Variants in CELF4 observed in about 807,000 individuals in gnomAD.
CELF4 encodes CUGBP Elav-like family member 4, also known as CUG-BP- and ETR-3-like factor 4.
A neutral mutation model predicts 59.9 loss-of-function variants in CELF4; 18 were observed. That is an observed-to-expected ratio of 0.30 (90% CI 0.21 to 0.45). The LOEUF (loss-of-function observed/expected upper bound fraction) is 0.45, where lower values mean the gene tolerates loss of function less well. CELF4 is among the 20% of genes least tolerant of loss of function. CELF4 has a pLI of 1.00. For missense variants in CELF4, 456 were observed against 689.0 expected (o/e 0.66, Z 3.79); for synonymous variants, 261 against 267.1 (o/e 0.98, Z 0.22).
intron 2 of CELF4, among the ~76,000 whole-genome samples, chr18:37,370,622 T>C (rs1051404655): frequency 6.6e-6 from 1 of 152,194 alleles, no homozygotes; most frequent in African/African-American, 2.4e-5. Flanking sequence ...ATGCTTTTAA[T>C]GTTTGCCTAA....
chr18:37,298,860 T>C (rs533209311), intron 3 of CELF4, among the ~76,000 whole-genome samples: 2 of 152,312 alleles, frequency 1.3e-5, no homozygotes, highest in African/African-American at 4.8e-5. Flanking sequence ...CCAGGAACAC[T>C]GCTAACATGC....
At chr18:37,302,844 G>A (rs2096151482) in intron 3 of CELF4, among the ~76,000 whole-genome samples, 1 of 152,164 alleles carries the variant, frequency 6.6e-6, no homozygotes, top group African/African-American at 2.4e-5. Context: ...CCCTCCAACA[G>A]CATTGCTTCC....
chr18:37,523,230 G>C (rs2099959607), intron 1 of CELF4, among the ~76,000 whole-genome samples: 1 of 152,180 alleles, frequency 6.6e-6, no homozygotes, highest in Non-Finnish European at 1.5e-5. Flanking sequence ...GAAGTCTTCA[G>C]AGGCTCGTTT....
chr18:37,375,245 G>T (rs1323701723), intron 2 of CELF4, among the ~76,000 whole-genome samples: 1 of 152,180 alleles, frequency 6.6e-6, no homozygotes, highest in African/African-American at 2.4e-5. Flanking sequence ...GCAAACAAAT[G>T]AATTGCAAAG....
intron 1 of CELF4, among the ~76,000 whole-genome samples, chr18:37,486,901 T>A (rs1399672719): frequency 6.6e-6 from 1 of 152,236 alleles, no homozygotes; most frequent in Non-Finnish European, 1.5e-5. Flanking sequence ...CTTTCAAGAA[T>A]CTGATCAAGT....
chr18:37,565,226 GC>G, intron 1 of CELF4, 129 bp downstream of exon 1: 2 of 967,174 alleles, frequency 2.1e-6, no homozygotes, highest in Non-Finnish European at 3.0e-6. Context: ...CTGCCCGAGC[GC>G]CTCCCTCCAC....
At chr18:37,454,680 G>A (rs1047366506) in intron 2 of CELF4, among the ~76,000 whole-genome samples, 10 of 152,106 alleles carry the variant, frequency 6.6e-5, no homozygotes, top group African/African-American at 2.4e-4. Context: ...AAAAGAGTCC[G>A]CCTGCAAAGC....
At chr18:37,302,577 A>G (rs9945262) in intron 3 of CELF4, among the ~76,000 whole-genome samples, 88,600 of 152,066 alleles carry the variant, frequency 0.58, 27,368 homozygotes, top group African/African-American at 0.8. Flanking sequence ...ATGACACTGG[A>G]AAACACAGCT....
intron 2 of CELF4, among the ~76,000 whole-genome samples, chr18:37,452,839 T>C (rs1043501554): frequency 4.6e-5 from 7 of 152,130 alleles, no homozygotes; most frequent in African/African-American, 1.7e-4. Context: ...CATAGCCACA[T>C]CTCTGGCTGA....
intron 2 of CELF4, among the ~76,000 whole-genome samples, chr18:37,401,487 T>G (rs1341071595): frequency 6.6e-6 from 1 of 152,168 alleles, no homozygotes; most frequent in East Asian, 1.9e-4. Flanking sequence ...CAATACTAAC[T>G]GAAGGTCACT....
At chr18:37,390,802 C>CGGAGGGGTGGGGGGG (rs139992661) in intron 2 of CELF4, among the ~76,000 whole-genome samples, 1 of 57,842 alleles carries the variant, frequency 1.7e-5, no homozygotes, top group Non-Finnish European at 3.2e-5. Flanking sequence ...GGTGATGGGG[C>CGGAGGGGTGGGGGGG]GGGGAGGGGG....
chr18:37,275,582 C>T, intron 3 of CELF4: 1 of 297,346 alleles, frequency 3.4e-6, no homozygotes, highest in Non-Finnish European at 6.4e-6. Context: ...GCTGACCCCT[C>T]ACTAGAGCAC....
At chr18:37,424,017 C>T (rs2099596560) in intron 2 of CELF4, among the ~76,000 whole-genome samples, 1 of 151,974 alleles carries the variant, frequency 6.6e-6, no homozygotes, top group Admixed American at 6.6e-5. Context: ...CTCATGCTGT[C>T]TGGCCTTTTG....
At chr18:37,406,131 TC>T (rs1490587134) in intron 2 of CELF4, among the ~76,000 whole-genome samples, 1 of 151,982 alleles carries the variant, frequency 6.6e-6, no homozygotes, top group Non-Finnish European at 1.5e-5. Context: ...GGTGCCCTGC[TC>T]CATTTTTATT....
chr18:37,259,695 T>C (rs2073064164), intron 10 of CELF4, among the ~76,000 whole-genome samples: 2 of 152,230 alleles, frequency 1.3e-5, no homozygotes, highest in Non-Finnish European at 2.9e-5. Flanking sequence ...GGCAGCCAAG[T>C]CCTGTGCTGG....
chr18:37,432,291 C>T (rs547546361), intron 2 of CELF4, among the ~76,000 whole-genome samples: 8 of 152,226 alleles, frequency 5.3e-5, no homozygotes, highest in African/African-American at 9.6e-5. Context: ...TCCAGAGGCC[C>T]GGAGACTGGT....
At position 37,274,328 on chromosome 18, in the gene CELF4, C is replaced by G; in HGVS notation, c.784G>C (p.Gly262Arg). Residue 262 changes from glycine (G) to arginine (R), a missense_variant, in exon 6 of 13, where the codon GGC (glycine) becomes CGC (arginine). Gly to Arg is a moderately radical substitution (Grantham distance 125). Around this residue, in one of 7 missense-constraint regions of CELF4, gnomAD observed 256 missense variants for 340.8 expected, o/e 0.75. Transcript: ENST00000420428. ...NPMAIPFGAY[G>R]AYAQALMQQQ... is the part of the protein sequence containing the mutation. ...CCACTTACTGCCTGAGCGTAGGCGC[C>G]GTAGGCCCCGAAAGGGATGGCCATG... is the stretch of plus-strand genomic sequence containing the variant. 2 of 1,612,928 alleles carry G rather than the reference C, an allele frequency of 1.2e-6. No individual in the cohort carries two copies. Among genetic ancestry groups the G allele is most frequent in the Non-Finnish European group, 1.7e-6 (2 of 1,179,722 alleles).
At chr18:37,391,365 C>T (rs1002727313) in intron 2 of CELF4, among the ~76,000 whole-genome samples, 19 of 152,208 alleles carry the variant, frequency 1.2e-4, no homozygotes, top group Non-Finnish European at 1.3e-4. Context: ...ACCCTGGCAT[C>T]CCTTGCCTAA....
chr18:37,368,430 T>C lies in CELF4; in HGVS notation c.370-46549A>G, dbSNP rs118023533. On this transcript the variant is annotated intron_variant, in intron 2 of 12. Coordinates refer to ENST00000420428, the MANE Select transcript of CELF4 (RefSeq NM_020180.4). ...ATGTACACAGCAGGGGCCTGATGGC[T>C]CCCCAGGGAGGGGTAGGGAGGGCAC... Among the ~76,000 whole-genome samples the C allele has an allele frequency of 8.7e-3, 1,322 of 152,010 alleles. 8 individuals are homozygous for C. Among genetic ancestry groups the C allele is most frequent in the Non-Finnish European group, 0.013 (885 of 67,946 alleles).
Sources: gnomAD v4.1 joint callset for allele counts (sites outside exome capture counted in the v4.1 genomes callset) on GRCh38, gnomAD v4.1.1 for gene constraint, gnomAD v4.1.1 regional missense constraint, MANE v1.5 for transcripts, NCBI Gene and HGNC (gene_info 2026-07-23, HGNC 2026-07-21) for gene names.